CLTCL1: variants seen among roughly 807,000 people sequenced by gnomAD.
CLTCL1 encodes clathrin heavy chain 2.
Under a neutral mutation model 190.0 loss-of-function variants are expected in CLTCL1, and 159 were observed. The ratio of observed to expected loss-of-function variants is 0.84; its 90% CI spans 0.74 to 0.95. The LOEUF is 0.95. Ranked by LOEUF, CLTCL1 falls within the 40% of genes least tolerant of loss-of-function variation. CLTCL1 has a pLI of 0.00. For missense variants in CLTCL1, 1,878 were observed against 2,033.4 expected, an observed-to-expected ratio of 0.92 and a Z score of 1.47; for synonymous variants, 752 against 769.6, an observed-to-expected ratio of 0.98 and a Z score of 0.38.
At chr22:19,190,966 C>T (rs1218820931) in intron 27 of CLTCL1, among the ~76,000 whole-genome samples, 2 of 151,908 alleles carry the variant, frequency 1.3e-5, no homozygotes, top group South Asian at 2.1e-4. Context: ...TTAGTAGAGA[C>T]GGGGTTTCAC....
chr22:19,274,807 G>T, intron 2 of CLTCL1, among the ~76,000 whole-genome samples: 1 of 149,000 alleles, frequency 6.7e-6, no homozygotes, highest in Admixed American at 6.8e-5. Context: ...TCTGCTCACC[G>T]CAACCTCCAC....
chr22:19,187,978 C>T lies in CLTCL1; in HGVS notation c.4434+3G>A, dbSNP rs1475007772. 5 of 1,613,304 alleles carry T rather than the reference C, an allele frequency of 3.1e-6. No individual in the cohort carries two copies. In the East Asian group the frequency reaches 8.9e-5, roughly 29 times the overall value. ...AGGACAGGGCTCCTTCCTGCACACC[C>T]ACCTGATAGTCCTCCTCCTCTGTCA... On this transcript the variant is annotated splice_donor_region_variant and intron_variant, in intron 28 of 32. Coordinates refer to ENST00000427926, the MANE Select transcript of CLTCL1 (RefSeq NM_007098.4).
At chr22:19,210,115 A>G (rs1199111259) in intron 20 of CLTCL1, among the ~76,000 whole-genome samples, 1 of 152,166 alleles carries the variant, frequency 6.6e-6, no homozygotes, top group Non-Finnish European at 1.5e-5. Flanking sequence ...GCAGACTAAC[A>G]GCCAATGGAA....
At chr22:19,260,756 GCAA>G (rs2086915898) in intron 2 of CLTCL1, among the ~76,000 whole-genome samples, 1 of 134,344 alleles carries the variant, frequency 7.4e-6, no homozygotes, top group Admixed American at 8.4e-5. Flanking sequence ...TCCAGCCTGG[GCAA>G]CAAGAGTGAA....
intron 1 of CLTCL1, among the ~76,000 whole-genome samples, chr22:19,291,160 G>T (rs782028728): frequency 1.3e-5 from 2 of 152,224 alleles, no homozygotes; most frequent in Non-Finnish European, 2.9e-5. Flanking sequence ...GCATGTTCAC[G>T]GTCCTCCCAG....
chr22:19,191,375 G>C lies in CLTCL1; in HGVS notation c.4252C>G (p.Leu1418Val). Residue 1418 changes from leucine (L) to valine (V), a missense_variant, in exon 27 of 33, where the codon CTC becomes GTC. Transcript: ENST00000427926. ...AGCACCAGCAGCAGGTCATTGATGA[G>C]CAGTGGTTTGTAATCCAAATAGAAC... ...LQFYLDYKPL[L>V]INDLLLVLSP... The C allele has an allele frequency of 6.2e-7, 1 of 1,614,018 alleles. No homozygotes were observed. The highest frequency in any genetic ancestry group is 1.3e-5 in the African/African-American group (1 of 75,054).
chr22:19,226,155 G>T, intron 12 of CLTCL1, 64 bp downstream of exon 12: 1 of 1,542,692 alleles, frequency 6.5e-7, no homozygotes, highest in Admixed American at 1.8e-5. Flanking sequence ...TGAACACTGG[G>T]GAGCATGTGA....
At chr22:19,226,784 C>T (rs972211190) in intron 11 of CLTCL1, among the ~76,000 whole-genome samples, 1 of 152,122 alleles carries the variant, frequency 6.6e-6, no homozygotes, top group Non-Finnish European at 1.5e-5. Flanking sequence ...ATCACTCAGG[C>T]TGGAATGCAG....
intron 18 of CLTCL1, 150 bp downstream of exon 18, chr22:19,219,735 C>A (rs1461091736): frequency 4.4e-6 from 5 of 1,148,836 alleles, no homozygotes; most frequent in Non-Finnish European, 6.1e-6. Flanking sequence ...ATCCACCCAC[C>A]TCCGCCTCCC....
chr22:19,250,972 C>T (rs1291300710), intron 3 of CLTCL1, among the ~76,000 whole-genome samples: 2 of 152,066 alleles, frequency 1.3e-5, no homozygotes, highest in African/African-American at 2.4e-5. Context: ...CTTGCAATTC[C>T]ACATAAATTT....
intron 11 of CLTCL1, among the ~76,000 whole-genome samples, chr22:19,227,616 A>T (rs1555956831): frequency 6.6e-6 from 1 of 151,810 alleles, no homozygotes; most frequent in Non-Finnish European, 1.5e-5. Flanking sequence ...CACCACACCC[A>T]GCTAATTTTT....
chr22:19,194,507 A>G (rs1232601483), intron 26 of CLTCL1, among the ~76,000 whole-genome samples: 1 of 152,136 alleles, frequency 6.6e-6, no homozygotes, highest in Non-Finnish European at 1.5e-5. Context: ...AAAACAAAAA[A>G]AGAAGAGAAA....
At chr22:19,263,745 A>T (rs1450751070) in intron 2 of CLTCL1, among the ~76,000 whole-genome samples, 1 of 152,134 alleles carries the variant, frequency 6.6e-6, no homozygotes. Context: ...AAGATAATCC[A>T]TTTTTTTAGA....
intron 19 of CLTCL1, among the ~76,000 whole-genome samples, chr22:19,211,775 A>C (rs1485043991): frequency 1.7e-3 from 250 of 149,944 alleles, no homozygotes; most frequent in Non-Finnish European, 2.7e-3. Context: ...TCAAAAAAAA[A>C]AAAAAAAACA....
chr22:19,219,359 A>AT (rs2085494062), intron 18 of CLTCL1, among the ~76,000 whole-genome samples: 1 of 149,928 alleles, frequency 6.7e-6, no homozygotes, highest in Admixed American at 6.7e-5. Flanking sequence ...GTGTTTTCGT[A>AT]TTTTTAGTAG....
intron 3 of CLTCL1, among the ~76,000 whole-genome samples, chr22:19,252,032 G>A (rs1476505441): frequency 6.6e-6 from 1 of 152,158 alleles, no homozygotes; most frequent in Admixed American, 6.5e-5. Flanking sequence ...ATCTTCTGGG[G>A]GTTGCAGAAA....
chr22:19,214,001 T>C (rs1488653404), intron 19 of CLTCL1, among the ~76,000 whole-genome samples: 3 of 152,228 alleles, frequency 2.0e-5, no homozygotes, highest in Non-Finnish European at 4.4e-5. Flanking sequence ...AGTGTTCATT[T>C]CTACTGCTAT....
intron 2 of CLTCL1, chr22:19,257,519 C>A: frequency 6.6e-6 from 2 of 304,386 alleles, no homozygotes; most frequent in Non-Finnish European, 1.3e-5. Context: ...CCCCAGACAG[C>A]ATGAGTTTCA....
chr22:19,237,004 G>A (rs955848932), intron 5 of CLTCL1, among the ~76,000 whole-genome samples: 4 of 151,978 alleles, frequency 2.6e-5, no homozygotes. Flanking sequence ...GAAAATATAG[G>A]TAAATGTTGT....
Sources: gnomAD v4.1 joint callset for allele counts (sites outside exome capture counted in the v4.1 genomes callset) on GRCh38, gnomAD v4.1.1 for gene constraint, MANE v1.5 for transcripts, NCBI Gene and HGNC (gene_info 2026-07-23, HGNC 2026-07-21) for gene names.